The following CAMK2A variants were observed in gnomAD, a reference collection of about 807,000 sequenced individuals.
CAMK2A encodes calcium/calmodulin dependent protein kinase II alpha, also known as calcium/calmodulin-dependent protein kinase type II subunit alpha.
A neutral mutation model predicts 79.2 loss-of-function variants in CAMK2A; 7 were observed. That is an observed-to-expected ratio of 0.09 (90% CI 0.05 to 0.17). The LOEUF (loss-of-function observed/expected upper bound fraction) is 0.17, where lower values mean the gene tolerates loss of function less well. Ranked by LOEUF, CAMK2A falls within the 10% of genes least tolerant of loss-of-function variation. The pLI, the probability that CAMK2A is intolerant of heterozygous loss-of-function variation, is 1.00. For synonymous variants in CAMK2A, 242 were observed against 251.7 expected (o/e 0.96, Z 0.36); for missense variants, 214 against 646.4 (o/e 0.33, Z 7.25).
chr5:150,257,989 T>A, intron 3 of CAMK2A, among the ~76,000 whole-genome samples: 1 of 152,264 alleles, frequency 6.6e-6, no homozygotes, highest in Non-Finnish European at 1.5e-5. Context: ...TAGGCCTTTC[T>A]GAGCCTCTCT....
At chr5:150,225,614 C>T (rs1363065836) in intron 17 of CAMK2A, among the ~76,000 whole-genome samples, 3 of 152,180 alleles carry the variant, frequency 2.0e-5, no homozygotes. Context: ...TAAGTTCACA[C>T]TGGGGGACCA....
At chr5:150,281,500 T>C (rs1438565439) in intron 1 of CAMK2A, among the ~76,000 whole-genome samples, 1 of 152,210 alleles carries the variant, frequency 6.6e-6, no homozygotes, top group Admixed American at 6.5e-5. Flanking sequence ...GTATAGCCCA[T>C]AATGTCTTAC....
At chr5:150,229,018 T>C (rs149546345) in intron 16 of CAMK2A, among the ~76,000 whole-genome samples, 1 of 152,172 alleles carries the variant, frequency 6.6e-6, no homozygotes, top group Non-Finnish European at 1.5e-5. Flanking sequence ...CTTTCCCATC[T>C]CCAGGTCTGT....
intron 2 of CAMK2A, among the ~76,000 whole-genome samples, chr5:150,269,249 C>A (rs141675866): frequency 6.6e-6 from 1 of 152,126 alleles, no homozygotes; most frequent in Non-Finnish European, 1.5e-5. Flanking sequence ...GGTTGGGTCA[C>A]CTCCAGGGTG....
At chr5:150,245,294 G>C in intron 12 of CAMK2A, 93 bp from the exon 13 acceptor site, 4 of 1,236,060 alleles carry the variant, frequency 3.2e-6, no homozygotes, top group Non-Finnish European at 4.7e-6. Flanking sequence ...GCAGCCGGAG[G>C]GCAGACTGCA....
At chr5:150,269,725 G>A (rs1421260485) in intron 2 of CAMK2A, among the ~76,000 whole-genome samples, 3 of 152,154 alleles carry the variant, frequency 2.0e-5, no homozygotes, top group South Asian at 4.1e-4. Context: ...CAAGCCAGGA[G>A]AGAAAAGAGA....
chr5:150,252,778 G>A (rs759533603), intron 7 of CAMK2A, among the ~76,000 whole-genome samples: 1 of 152,192 alleles, frequency 6.6e-6, no homozygotes, highest in Non-Finnish European at 1.5e-5. Flanking sequence ...CACCACTCCT[G>A]AGGGACACAC....
At chr5:150,278,673 G>T (rs929225681) in intron 1 of CAMK2A, among the ~76,000 whole-genome samples, 1 of 152,116 alleles carries the variant, frequency 6.6e-6, no homozygotes, top group African/African-American at 2.4e-5. Flanking sequence ...TCCTGGAAGT[G>T]CCTGTGAAAG....
At position 150,289,752 on chromosome 5, in the gene CAMK2A, G is replaced by T; in HGVS notation, c.-127C>A. 1.5e-6 allele frequency: 1 copy of T among 688,924 alleles called. No individual in the cohort carries two copies. The allele number at this position is 688,924 out of a possible 1,614,324, so 42.7% of individuals were successfully genotyped here. On this transcript the variant is annotated 5_prime_UTR_variant, in exon 1 of 19. Transcript: ENST00000671881. ...CCGAGTGCAAACAGAGAACCGGTTTGACTGACGAGCCCGGGGCTTCTGAGC... is the reference window on the plus strand; with the variant it reads ...CCGAGTGCAAACAGAGAACCGGTTTTACTGACGAGCCCGGGGCTTCTGAGC...
Position 150,256,972 on chromosome 5 carries a change from G to T in CAMK2A, c.273-141C>A, listed in dbSNP as rs767993196. The stretch of plus-strand genomic sequence containing the variant: ...AAGGAGGGGCCCCAGGGTCACGGGG[G>T]TGTCCCCTGCTGCAATGCCCTTCCT... On this transcript the variant is annotated intron_variant, in intron 4 of 18. Coordinates refer to ENST00000671881, the MANE Select transcript of CAMK2A (RefSeq NM_015981.4). This position sits in a 1 kb window ranked among gnomAD's most constrained non-coding sequence, Gnocchi z 4.6. The T allele has an allele frequency of 4.7e-6, 3 of 636,272 alleles. No individual in the cohort carries two copies. The South Asian group carries it at 5.9e-5, about 12-fold the overall frequency. The allele number at this position is 636,272 out of a possible 1,614,324, so 39.4% of individuals were successfully genotyped here.
intron 14 of CAMK2A, among the ~76,000 whole-genome samples, chr5:150,239,250 G>C (rs185825429): frequency 6.6e-6 from 1 of 152,254 alleles, no homozygotes; most frequent in Non-Finnish European, 1.5e-5. Context: ...ACAGAGGCAG[G>C]GCTGGTGGCT....
chr5:150,264,914 G>A, intron 3 of CAMK2A, 42 bp downstream of exon 3: 1 of 1,533,694 alleles, frequency 6.5e-7, no homozygotes, highest in South Asian at 1.1e-5. Context: ...CAGGGGAGCA[G>A]GGCCTGGCTC....
At chr5:150,281,027 T>C (rs6881743) in intron 1 of CAMK2A, among the ~76,000 whole-genome samples, 65,864 of 152,152 alleles carry the variant, frequency 0.43, 18,916 homozygotes, top group African/African-American at 0.81. Context: ...TCCATGACTC[T>C]GCAAATAGTT....
At chr5:150,281,386 G>C (rs10050608) in intron 1 of CAMK2A, among the ~76,000 whole-genome samples, 50,430 of 152,128 alleles carry the variant, frequency 0.33, 9,421 homozygotes, top group East Asian at 0.5. Context: ...CCAGAATAGA[G>C]AGGTTAGAAT....
At chr5:150,279,853 G>T (rs775596327) in intron 1 of CAMK2A, among the ~76,000 whole-genome samples, 1 of 152,218 alleles carries the variant, frequency 6.6e-6, no homozygotes, top group Non-Finnish European at 1.5e-5. Context: ...CAAGATTCAC[G>T]CTGGGAAATT....
At chr5:150,237,126 G>A (rs1755110132) in intron 15 of CAMK2A, among the ~76,000 whole-genome samples, 1 of 152,124 alleles carries the variant, frequency 6.6e-6, no homozygotes, top group Non-Finnish European at 1.5e-5. Context: ...GCCCAGGTTG[G>A]GAATGACCAG....
intron 1 of CAMK2A, among the ~76,000 whole-genome samples, chr5:150,285,392 G>A (rs1157510855): frequency 6.6e-6 from 1 of 152,204 alleles, no homozygotes; most frequent in Non-Finnish European, 1.5e-5. Flanking sequence ...ACGGCCCCCA[G>A]TCTTTGGGTA....
Position 150,238,736 on chromosome 5 carries a change from T to A in CAMK2A, c.1030A>T (p.Ser344Cys). The A allele has an allele frequency of 6.2e-7, 1 of 1,607,266 alleles. No individual in the cohort carries two copies. The highest frequency in any genetic ancestry group is 8.5e-7 in the Non-Finnish European group (1 of 1,176,246). ...SSVQLMESSESTNTTIEDEDT... is the reference protein window; with the variant it reads ...SSVQLMESSECTNTTIEDEDT... ...TCATCCTCGATGGTGGTGTTGGTGCTCTCTGAGGATTCCTGCCAAAGAGAA... is the reference window on the plus strand; with the variant it reads ...TCATCCTCGATGGTGGTGTTGGTGCACTCTGAGGATTCCTGCCAAAGAGAA... Residue 344 changes from serine to cysteine, a missense_variant, in exon 15 of 19, where the codon AGC becomes TGC. Physicochemically the swap from Ser to Cys is moderately radical, Grantham distance 112 (BLOSUM62 -1). Coordinates refer to ENST00000671881, the MANE Select transcript of CAMK2A (RefSeq NM_015981.4).
At chr5:150,267,941 T>C (rs1756583515) in intron 2 of CAMK2A, among the ~76,000 whole-genome samples, 1 of 151,416 alleles carries the variant, frequency 6.6e-6, no homozygotes, top group African/African-American at 2.4e-5. Context: ...TGACTCGATC[T>C]TGGCTCACTG....
Sources: allele counts gnomAD v4.1 joint callset (sites outside exome capture counted in the v4.1 genomes callset), GRCh38; gene constraint gnomAD v4.1.1; non-coding constraint Gnocchi (gnomAD v3.1); transcripts MANE v1.5; gene names NCBI Gene and HGNC (gene_info 2026-07-23, HGNC 2026-07-21).